Variants in FLT1 observed in about 807,000 individuals in gnomAD.
FLT1 encodes the protein vascular endothelial growth factor receptor 1.
Under a neutral mutation model 156.3 loss-of-function variants are expected in FLT1, and 49 were observed. That is an observed-to-expected ratio of 0.31 (90% CI 0.25 to 0.40). FLT1 has a LOEUF of 0.40. Ranked by LOEUF, FLT1 falls within the 10% of genes least tolerant of loss-of-function variation. The pLI is 1.00. For synonymous variants in FLT1, 594 were observed against 583.8 expected, an observed-to-expected ratio of 1.02 and a Z score of -0.25; for missense variants, 1,322 against 1,637.2, an observed-to-expected ratio of 0.81 and a Z score of 3.32.
rs1874263042 is a variant in FLT1, at chr13:28,384,888, G to A, written c.2113C>T (p.Pro705Ser). 6.2e-7 allele frequency: 1 copy of A among 1,613,948 alleles called. No homozygotes were observed. The highest frequency in any genetic ancestry group is 8.5e-7 in the Non-Finnish European group (1 of 1,179,856). ...GGAAGAAAAAAAAGTCTCTTACCAG[G>A]CTCTTGTTGTATTTTGTGGTTGTTT... ...FKNNHKIQQEPGIILGPGSST... is the reference protein window; with the variant it reads ...FKNNHKIQQESGIILGPGSST... Residue 705 changes from proline to serine, a missense_variant, in exon 14 of 30, where the codon CCT becomes TCT. By Grantham distance (74) the Pro-to-Ser change is moderately conservative. Coordinates refer to ENST00000282397, the MANE Select transcript of FLT1 (RefSeq NM_002019.4).
intron 14 of FLT1, among the ~76,000 whole-genome samples, chr13:28,375,280 A>G (rs1873792627): frequency 6.6e-6 from 1 of 152,224 alleles, no homozygotes; most frequent in East Asian, 1.9e-4. Flanking sequence ...ACTTTTCTGA[A>G]TATAAATTAT....
chr13:28,431,263 G>T lies in FLT1; in HGVS notation c.861C>A (p.Ser287=). The T allele has an allele frequency of 6.2e-7, 1 of 1,613,756 alleles. No individual in the cohort carries two copies. The highest frequency in any genetic ancestry group is 8.5e-7 in the Non-Finnish European group (1 of 1,179,724). ...GAACACTGTAGAATATGTTGGCATG[G>T]GAATTGCTTTGGTCAATTCGTCGCC... The part of the protein sequence containing the change: ...SVRRRIDQSN[S]HANIFYSVLT... Residue 287 remains serine (S), a synonymous_variant, in exon 7 of 30, where the codon TCC becomes TCA. Transcript: ENST00000282397.
chr13:28,418,500 T>A (rs1876790395), intron 10 of FLT1, among the ~76,000 whole-genome samples: 1 of 152,196 alleles, frequency 6.6e-6, no homozygotes, highest in Non-Finnish European at 1.5e-5. Context: ...TCCACAGGGA[T>A]GTCCTCTGAG....
In FLT1 at chr13:28,300,676, TAA is replaced by T. The variant is rs1033500278; in HGVS notation, c.*2489_*2490del. The T allele has an allele frequency of 4.3e-6, 1 of 233,016 alleles. No homozygotes were observed. The highest frequency in any genetic ancestry group is 2.2e-5 in the African/African-American group (1 of 45,282). The allele number at this position is 233,016 out of a possible 1,614,324, so 14.4% of individuals were successfully genotyped here. On this transcript the variant is annotated 3_prime_UTR_variant, in exon 30 of 30. Transcript: ENST00000282397. ...GGCTAGGAAACAAGGCACGGGTCCC[TAA>T]AATTAACATCTCGGTGTCACTTCTT... is the stretch of plus-strand genomic sequence containing the variant.
intron 1 of FLT1, among the ~76,000 whole-genome samples, chr13:28,474,485 G>GACACACACACAC (rs57021123): frequency 3.4e-4 from 38 of 112,486 alleles, no homozygotes; most frequent in African/African-American, 1.4e-3. Flanking sequence ...AACAACCACA[G>GACACACACACAC]ACACACACAC....
At chr13:28,488,704 C>T (rs540950490) in intron 1 of FLT1, among the ~76,000 whole-genome samples, 2 of 152,222 alleles carry the variant, frequency 1.3e-5, no homozygotes, top group South Asian at 4.2e-4. Context: ...ACATGTCTCG[C>T]ACCTAGCAGG....
rs971897984 is a variant in FLT1, at chr13:28,301,915, C to T, written c.*1252G>A. On this transcript the variant is annotated 3_prime_UTR_variant, in exon 30 of 30. Coordinates refer to ENST00000282397, the MANE Select transcript of FLT1 (RefSeq NM_002019.4). ...ACATACCACCTTTTTACTCAAGGAGCTTAAAGTGCTTAATATGCGCCAGCT... is the reference window on the plus strand; with the variant it reads ...ACATACCACCTTTTTACTCAAGGAGTTTAAAGTGCTTAATATGCGCCAGCT... 1 of 233,504 alleles carries T rather than the reference C, an allele frequency of 4.3e-6. No homozygotes were observed. Among genetic ancestry groups the T allele is most frequent in the African/African-American group, 2.2e-5 (1 of 45,344 alleles). The allele number at this position is 233,504 out of a possible 1,614,324, so 14.5% of individuals were successfully genotyped here.
chr13:28,317,468 G>A (rs1184606921), intron 25 of FLT1, 30 bp downstream of exon 25: 1 of 1,394,978 alleles, frequency 7.2e-7, no homozygotes, highest in African/African-American at 1.4e-5. Context: ...CGAGCTGTCA[G>A]ATGGGGAGCA....
chr13:28,374,399 A>G (rs1344891018), intron 14 of FLT1, among the ~76,000 whole-genome samples: 1 of 152,124 alleles, frequency 6.6e-6, no homozygotes, highest in African/African-American at 2.4e-5. Flanking sequence ...TGGGAAACAG[A>G]GCAAGACCAT....
At chr13:28,349,207 A>G (rs1469043561) in intron 15 of FLT1, among the ~76,000 whole-genome samples, 2 of 152,252 alleles carry the variant, frequency 1.3e-5, no homozygotes, top group Non-Finnish European at 2.9e-5. Context: ...AATAGTGGTC[A>G]AATGAATGAA....
chr13:28,382,730 T>G (rs1422696957), intron 14 of FLT1, among the ~76,000 whole-genome samples: 2 of 152,160 alleles, frequency 1.3e-5, no homozygotes, highest in Non-Finnish European at 2.9e-5. Context: ...GTCTGGTGAT[T>G]GATTAGATGA....
intron 4 of FLT1, among the ~76,000 whole-genome samples, chr13:28,437,887 C>G (rs972024261): frequency 8.5e-5 from 13 of 152,236 alleles, no homozygotes; most frequent in Non-Finnish European, 2.9e-5. Flanking sequence ...AATCCACTCT[C>G]TGCAAAGTTA....
chr13:28,395,523 A>T (rs1479784310), intron 12 of FLT1, among the ~76,000 whole-genome samples: 3 of 152,222 alleles, frequency 2.0e-5, no homozygotes, highest in African/African-American at 2.4e-5. Context: ...TAATATTTTT[A>T]AAAAATACTG....
intron 20 of FLT1, among the ~76,000 whole-genome samples, chr13:28,325,816 CAAAAAAAAAAA>C (rs377427677): frequency 1.4e-5 from 1 of 71,168 alleles, no homozygotes; most frequent in African/African-American, 5.5e-5. Context: ...AACTCTGTCT[CAAAAAAAAAAA>C]AAAAAAAAAA....
chr13:28,345,229 T>G lies in FLT1; in HGVS notation c.2355+216A>C, dbSNP rs115636404. Among the ~76,000 whole-genome samples, 886 of 152,286 alleles carry G rather than the reference T, an allele frequency of 5.8e-3. 8 individuals are homozygous for G. The highest frequency in any genetic ancestry group is 0.02 in the African/African-American group (818 of 41,536). On this transcript the variant is annotated intron_variant, in intron 16 of 29. Transcript: ENST00000282397. ...ACCTTCTGTCCCTGAGAAGTATTCA[T>G]CAGTTCATTGTTACGGCTTTTCTTT...
chr13:28,477,989 AC>A (rs930828705), intron 1 of FLT1, among the ~76,000 whole-genome samples: 3 of 152,234 alleles, frequency 2.0e-5, no homozygotes, highest in Non-Finnish European at 4.4e-5. Context: ...AGTGAAAGTA[AC>A]TGAGTTTTTA....
Position 28,494,756 on chromosome 13 carries a change from C to T in FLT1, c.64+24G>A, listed in dbSNP as rs539966026. 3.2e-6 allele frequency: 5 copies of T among 1,540,548 alleles called. No homozygotes were observed. The South Asian group carries it at 4.8e-5, about 15-fold the overall frequency. ...CCGCCCCATCGCAGCCCGCCTCAGG[C>T]CCCGGCCCCCAGCCGCGCCTCACCT... On this transcript the variant is annotated intron_variant, in intron 1 of 29. Coordinates refer to ENST00000282397, the MANE Select transcript of FLT1 (RefSeq NM_002019.4).
chr13:28,309,814 A>T (rs2138811178), intron 27 of FLT1, among the ~76,000 whole-genome samples: 1 of 150,936 alleles, frequency 6.6e-6, no homozygotes, highest in Admixed American at 6.6e-5. Context: ...ATCCATCACC[A>T]CAAGTCTGGA....
At position 28,334,024 on chromosome 13, in the gene FLT1, C is replaced by A; in HGVS notation, c.2593+1G>T. On this transcript the variant is annotated splice_donor_variant, in intron 18 of 29. Transcript: ENST00000282397. LOFTEE classifies it high-confidence loss of function. ...TGAAAGCCAAACTACAGCATACATA[C>A]CTTTCAGCATTTTCACAGCCACAGT... 1.9e-6 allele frequency: 3 copies of A among 1,592,924 alleles called. No individual in the cohort carries two copies. Among genetic ancestry groups the A allele is most frequent in the Non-Finnish European group, 2.6e-6 (3 of 1,160,632 alleles).
Sources: allele counts gnomAD v4.1 joint callset (sites outside exome capture counted in the v4.1 genomes callset), GRCh38; gene constraint gnomAD v4.1.1; transcripts MANE v1.5; gene names NCBI Gene and HGNC (gene_info 2026-07-23, HGNC 2026-07-21).